SLC30A8: variants seen among roughly 807,000 people sequenced by gnomAD.
SLC30A8 encodes the protein proton-coupled zinc antiporter SLC30A8.
In SLC30A8, 27 loss-of-function variants were observed where a neutral mutation model predicts 36.9. That is an observed-to-expected ratio of 0.73 (90% CI 0.54 to 1.01). The LOEUF is 1.01. SLC30A8 is among the 50% of genes least tolerant of loss of function. SLC30A8 has a pLI of 0.00. For synonymous variants in SLC30A8, 164 were observed against 172.4 expected (o/e 0.95, Z 0.38); for missense variants, 439 against 452.0 (o/e 0.97, Z 0.26).
intron 5 of SLC30A8, 144 bp from the exon 6 acceptor site, chr8:117,163,281 C>T: frequency 1.8e-6 from 1 of 554,728 alleles, no homozygotes; most frequent in South Asian, 2.9e-5. Flanking sequence ...CAAAGTCTTC[C>T]CTCTCAGTTG....
At position 116,989,824 on chromosome 8, in the gene SLC30A8, A is replaced by G. The variant is rs145846863; in HGVS notation, c.-266+38705A>G. On this transcript the variant is annotated intron_variant, in intron 1 of 10. Transcript: ENST00000427715. Reference sequence around the variant, plus strand: ...GGGAAACAACTTCTTCCTGGGCCCAATGGTCAGTCTTCTGATCACATTTGC... The same window carrying G: ...GGGAAACAACTTCTTCCTGGGCCCAGTGGTCAGTCTTCTGATCACATTTGC... Among the ~76,000 whole-genome samples, 339 of 152,316 alleles carry G rather than the reference A, an allele frequency of 2.2e-3. 3 individuals are homozygous for G. Among genetic ancestry groups the G allele is most frequent in the African/African-American group, 7.6e-3 (314 of 41,576 alleles).
chr8:116,970,596 A>T (rs982910025), intron 1 of SLC30A8, among the ~76,000 whole-genome samples: 1 of 152,196 alleles, frequency 6.6e-6, no homozygotes, highest in South Asian at 2.1e-4. Flanking sequence ...TATAATGGCT[A>T]TGATGTCAGT....
chr8:116,962,115 T>C (rs1814445732), intron 1 of SLC30A8, among the ~76,000 whole-genome samples: 1 of 151,994 alleles, frequency 6.6e-6, no homozygotes, highest in Non-Finnish European at 1.5e-5. Flanking sequence ...GATAATTTAA[T>C]CTATTTCTGG....
chr8:117,081,806 T>C (rs764952700), intron 2 of SLC30A8, among the ~76,000 whole-genome samples: 4 of 152,184 alleles, frequency 2.6e-5, no homozygotes, highest in Non-Finnish European at 5.9e-5. Context: ...AACAAAAATA[T>C]GTGTTTGTGG....
chr8:117,063,536 G>A (rs940022775), intron 2 of SLC30A8, among the ~76,000 whole-genome samples: 1 of 152,110 alleles, frequency 6.6e-6, no homozygotes, highest in Non-Finnish European at 1.5e-5. Flanking sequence ...ACCATTCTTT[G>A]ATGCAACATA....
chr8:116,975,380 T>C (rs1814958024), intron 1 of SLC30A8, among the ~76,000 whole-genome samples: 1 of 152,222 alleles, frequency 6.6e-6, no homozygotes, highest in Non-Finnish European at 1.5e-5. Context: ...GCTTAATACA[T>C]ACCCTAGTTA....
At chr8:117,108,921 G>A (rs968052711) in intron 2 of SLC30A8, among the ~76,000 whole-genome samples, 3 of 152,136 alleles carry the variant, frequency 2.0e-5, no homozygotes, top group African/African-American at 2.4e-5. Context: ...AGCTTTCAGC[G>A]TCACCCTTTT....
chr8:117,124,151 A>C (rs543060523), intron 2 of SLC30A8, among the ~76,000 whole-genome samples: 1 of 152,070 alleles, frequency 6.6e-6, no homozygotes, highest in Non-Finnish European at 1.5e-5. Flanking sequence ...ACTCATACAG[A>C]TTATTGTGAA....
At chr8:117,074,099 C>G (rs1563579840) in intron 2 of SLC30A8, among the ~76,000 whole-genome samples, 2 of 152,058 alleles carry the variant, frequency 1.3e-5, no homozygotes, top group Admixed American at 6.6e-5. Flanking sequence ...CAGAAGGAGA[C>G]AGATGCCAAC....
At chr8:117,097,652 A>AATATATAT (rs1819470089) in intron 2 of SLC30A8, among the ~76,000 whole-genome samples, 1 of 37,216 alleles carries the variant, frequency 2.7e-5, no homozygotes, top group African/African-American at 3.6e-4. Context: ...ATTTTAAATA[A>AATATATAT]TATATATAAT....
chr8:117,062,857 T>G (rs1818063284), intron 2 of SLC30A8, among the ~76,000 whole-genome samples: 1 of 152,212 alleles, frequency 6.6e-6, no homozygotes, highest in South Asian at 2.1e-4. Flanking sequence ...ACCCATAGTT[T>G]TCGTCCACAG....
At position 116,998,938 on chromosome 8, in the gene SLC30A8, G is replaced by A. The variant is rs149837062; in HGVS notation, c.-265-40281G>A. Among the ~76,000 whole-genome samples the A allele has an allele frequency of 1.7e-3, 257 of 152,278 alleles. 2 individuals are homozygous for A. The highest frequency in any genetic ancestry group is 5.6e-3 in the African/African-American group (233 of 41,562). ...CATTTCTGTTGTCTTAAGCCACGAG[G>A]CTTGTGGTAATTTGTTACAGCAGCC... On this transcript the variant is annotated intron_variant, in intron 1 of 10. Transcript: ENST00000427715.
At chr8:117,138,387 TG>T (rs1323002609) in intron 1 of SLC30A8, among the ~76,000 whole-genome samples, 18 of 152,062 alleles carry the variant, frequency 1.2e-4, no homozygotes, top group African/African-American at 4.1e-4. Flanking sequence ...TGAGCGTCTA[TG>T]GCATTTGAGC....
In SLC30A8 at chr8:116,986,735, C is replaced by T. The variant is rs930030158; in HGVS notation, c.-266+35616C>T. On this transcript the variant is annotated intron_variant, in intron 1 of 10. Coordinates refer to the SLC30A8 transcript ENST00000427715. ...ATTGGGGAAGGGAGAGCAGGCACTC[C>T]GAGGTTTTGTAACTAGGCAGATGGC... is the stretch of plus-strand genomic sequence containing the variant. Among the ~76,000 whole-genome samples the T allele has an allele frequency of 5.3e-5, 8 of 152,096 alleles. No individual in the cohort carries two copies. The East Asian group carries it at 1.2e-3, about 22-fold the overall frequency.
chr8:117,030,885 A>C (rs1272413222), intron 1 of SLC30A8, among the ~76,000 whole-genome samples: 4 of 152,022 alleles, frequency 2.6e-5, no homozygotes, highest in Non-Finnish European at 4.4e-5. Context: ...GGAAAATATC[A>C]CAGACATGTG....
chr8:117,131,038 G>T (rs1169843409), upstream of SLC30A8, among the ~76,000 whole-genome samples: 1 of 151,734 alleles, frequency 6.6e-6, no homozygotes, highest in East Asian at 1.9e-4. Flanking sequence ...AATACAAATT[G>T]CATTTTCACC....
rs115778972 is a variant in SLC30A8, at chr8:117,104,999, A to G, written c.-225-30281A>G. On this transcript the variant is annotated intron_variant, in intron 2 of 10. Transcript: ENST00000427715. ...AATATATTATAATTAGCGTATAATGAGCAGTGAGGACCACCAGAGGTCACT... is the reference window on the plus strand; with the variant it reads ...AATATATTATAATTAGCGTATAATGGGCAGTGAGGACCACCAGAGGTCACT... 4.7e-3 allele frequency among the ~76,000 whole-genome samples: 717 copies of G among 152,164 alleles called. 7 individuals are homozygous for G. The highest frequency in any genetic ancestry group is 0.016 in the African/African-American group (681 of 41,530).
chr8:117,143,696 A>ACACACT (rs1554589496), intron 1 of SLC30A8, among the ~76,000 whole-genome samples: 4 of 149,628 alleles, frequency 2.7e-5, no homozygotes, highest in East Asian at 2.0e-4. Flanking sequence ...ACACACACAC[A>ACACACT]CTCACACATG....
intron 1 of SLC30A8, among the ~76,000 whole-genome samples, chr8:116,999,152 A>G (rs1815918904): frequency 2.6e-5 from 4 of 152,164 alleles, no homozygotes; most frequent in Admixed American, 1.3e-4. Context: ...CCAGCTACTC[A>G]GGAGGCTGAA....
Sources: allele counts gnomAD v4.1 joint callset (sites outside exome capture counted in the v4.1 genomes callset), GRCh38; gene constraint gnomAD v4.1.1; transcripts MANE v1.5; gene names NCBI Gene and HGNC (gene_info 2026-07-23, HGNC 2026-07-21).